The following ITGAV variants were observed in gnomAD, a reference collection of about 807,000 sequenced individuals.
The protein encoded by ITGAV is integrin alpha-V.
In ITGAV, 76 loss-of-function variants were observed where a neutral mutation model predicts 143.8. The ratio of observed to expected loss-of-function variants is 0.53; its 90% CI spans 0.44 to 0.64. ITGAV has a LOEUF of 0.64. ITGAV is among the 30% of genes least tolerant of loss of function. ITGAV has a pLI of 0.00. For missense variants in ITGAV, 1,193 were observed against 1,274.7 expected (o/e 0.94, Z 0.98); for synonymous variants, 453 against 446.7 (o/e 1.01, Z -0.18).
intron 18 of ITGAV, 93 bp downstream of exon 18, chr2:186,659,268 T>A: frequency 7.3e-6 from 6 of 826,642 alleles, no homozygotes; most frequent in Admixed American, 3.5e-5. Flanking sequence ...CTTTATCATA[T>A]TGATAGATGT....
At chr2:186,591,146 C>T (rs1473141918) in intron 1 of ITGAV, among the ~76,000 whole-genome samples, 1 of 152,144 alleles carries the variant, frequency 6.6e-6, no homozygotes, top group Non-Finnish European at 1.5e-5. Flanking sequence ...TTGAATGTGT[C>T]ATCTGTTCTT....
At chr2:186,614,152 A>G (rs986462826) in intron 2 of ITGAV, among the ~76,000 whole-genome samples, 1 of 152,118 alleles carries the variant, frequency 6.6e-6, no homozygotes, top group African/African-American at 2.4e-5. Flanking sequence ...CTACTTTTTA[A>G]AAAACCTTTA....
rs374190134 is a variant in ITGAV at position 186,626,944 on chromosome 2, A to G, written c.523+1357A>G. ...TATTTTTAATTTCTATATTGCAAAA[A>G]TGTTCCTATTTGAAAAGATAATTTT... On this transcript the variant is annotated intron_variant, in intron 4 of 29. Coordinates refer to ENST00000261023, the MANE Select transcript of ITGAV (RefSeq NM_002210.5). Among the ~76,000 whole-genome samples, 6 of 152,330 alleles carry G rather than the reference A, an allele frequency of 3.9e-5. No individual in the cohort carries two copies. The East Asian group carries it at 7.7e-4, about 20-fold the overall frequency.
At chr2:186,659,594 T>A (rs923157548) in intron 18 of ITGAV, among the ~76,000 whole-genome samples, 1 of 151,922 alleles carries the variant, frequency 6.6e-6, no homozygotes, top group Non-Finnish European at 1.5e-5. Context: ...GCAACAAAAT[T>A]TGATAGGTGG....
At position 186,669,722 on chromosome 2, in the gene ITGAV, GA is replaced by G; in HGVS notation, c.2618del (p.Lys873ArgfsTer38). 6.2e-7 allele frequency: 1 copy of G among 1,613,666 alleles called. No individual in the cohort carries two copies. The highest frequency in any genetic ancestry group is 2.2e-5 in the East Asian group (1 of 44,880). ...TTAGATCTCATCTTTGCAAACAACT[GA>G]AAAGAATGACACGGTTGCCGGGCAA... ...RIKISSLQTT[E>X]KNDTVAGQGE... On this transcript the variant is annotated frameshift_variant, in exon 26 of 30. Transcript: ENST00000261023. LOFTEE classifies it high-confidence loss of function.
intron 3 of ITGAV, among the ~76,000 whole-genome samples, chr2:186,624,878 TG>T (rs1476205137): frequency 1.3e-5 from 2 of 152,132 alleles, no homozygotes; most frequent in Non-Finnish European, 2.9e-5. Flanking sequence ...AAAGCTAGTT[TG>T]GTCTCTACCT....
intron 2 of ITGAV, among the ~76,000 whole-genome samples, chr2:186,602,878 A>T (rs1686952687): frequency 3.8e-4 from 1 of 2,630 alleles, no homozygotes; most frequent in Admixed American, 4.6e-3. Flanking sequence ...CTCCATCTTA[A>T]AAAAAAAAAA....
chr2:186,617,779 T>C, intron 2 of ITGAV, among the ~76,000 whole-genome samples: 1 of 152,236 alleles, frequency 6.6e-6, no homozygotes, highest in East Asian at 1.9e-4. Flanking sequence ...TCTTTTTTTC[T>C]TTTTTATTTA....
rs976274379 is a variant in ITGAV at position 186,636,006 on chromosome 2, G to A, written c.632-76G>A. On this transcript the variant is annotated intron_variant, in intron 6 of 29. Coordinates refer to ENST00000261023, the MANE Select transcript of ITGAV (RefSeq NM_002210.5). ...AATATCTAATATTGTTTTCCTTCATGCAGGTACCATACATTATCTGTATCA... is the reference window on the plus strand; with the variant it reads ...AATATCTAATATTGTTTTCCTTCATACAGGTACCATACATTATCTGTATCA... The A allele has an allele frequency of 1.2e-5, 15 of 1,246,538 alleles. No homozygotes were observed. The African/African-American group carries it at 1.8e-4, about 15-fold the overall frequency. 77.2% of individuals were successfully genotyped at this position (1,246,538 alleles called of 1,614,324 possible). A position where few individuals can be genotyped will look rare whatever the true frequency, so the allele number is the denominator to read the frequency against.
chr2:186,656,736 C>A (rs577256545), intron 17 of ITGAV, among the ~76,000 whole-genome samples: 1 of 152,024 alleles, frequency 6.6e-6, no homozygotes, highest in Admixed American at 6.6e-5. Flanking sequence ...TGGCAAAAAT[C>A]TGAATTGTGA....
At chr2:186,617,719 A>G (rs1309603260) in intron 2 of ITGAV, among the ~76,000 whole-genome samples, 1 of 152,210 alleles carries the variant, frequency 6.6e-6, no homozygotes, top group Non-Finnish European at 1.5e-5. Context: ...TAAGTTATTT[A>G]AATACTTTAT....
intron 8 of ITGAV, 152 bp downstream of exon 8, chr2:186,637,261 C>A: frequency 3.1e-6 from 2 of 639,114 alleles, no homozygotes; most frequent in South Asian, 1.8e-5. Flanking sequence ...GCGGGTGGAT[C>A]CCTTGAGCCC....
rs201709573 is a variant in ITGAV, at chr2:186,678,529, T to C, written c.*1237T>C. 3 of 265,080 alleles carry C rather than the reference T, an allele frequency of 1.1e-5. No homozygotes were observed. Among genetic ancestry groups the C allele is most frequent in the African/African-American group, 4.6e-5 (2 of 43,748 alleles). 16.4% of individuals were successfully genotyped at this position (265,080 alleles called of 1,614,324 possible). ...GAATAACTTCTAAAAGGTATTTTTA[T>C]AAGCAGTTCAAGTTACTGAAAACCT... On this transcript the variant is annotated 3_prime_UTR_variant, in exon 30 of 30. Coordinates refer to ENST00000261023, the MANE Select transcript of ITGAV (RefSeq NM_002210.5).
At chr2:186,607,920 G>A (rs949176626) in intron 2 of ITGAV, among the ~76,000 whole-genome samples, 3 of 152,160 alleles carry the variant, frequency 2.0e-5, no homozygotes, top group Non-Finnish European at 4.4e-5. Context: ...TAGCTTTGGG[G>A]TTCCTTGAGT....
intron 5 of ITGAV, 117 bp from the exon 6 acceptor site, chr2:186,633,212 C>T (rs1687861762): frequency 2.4e-6 from 1 of 416,970 alleles, no homozygotes. Flanking sequence ...AGATACAATA[C>T]TGTATTGTTC....
chr2:186,669,941 G>C (rs914779768), intron 26 of ITGAV, 127 bp downstream of exon 26: 2 of 676,838 alleles, frequency 3.0e-6, no homozygotes, highest in Non-Finnish European at 5.1e-6. Flanking sequence ...TTTATACCAT[G>C]CATTCCTCTC....
chr2:186,645,937 A>G lies in ITGAV; in HGVS notation c.1160-749A>G, dbSNP rs150207788. The stretch of plus-strand genomic sequence containing the variant: ...CAGTGAGCCAAGATTGTGCCACTGC[A>G]CTCCAGCCTGGGGAAAAGAGCGGGA... On this transcript the variant is annotated intron_variant, in intron 12 of 29. Coordinates refer to ENST00000261023, the MANE Select transcript of ITGAV (RefSeq NM_002210.5). 5.4e-4 allele frequency among the ~76,000 whole-genome samples: 82 copies of G among 152,268 alleles called. 1 individual carries two copies. The highest frequency in any genetic ancestry group is 4.3e-3 in the Admixed American group (66 of 15,280).
chr2:186,620,075 C>T (rs557397995), intron 2 of ITGAV, among the ~76,000 whole-genome samples: 1 of 152,194 alleles, frequency 6.6e-6, no homozygotes, highest in Admixed American at 6.5e-5. Flanking sequence ...GAACAACTCA[C>T]AATTCTCTTA....
chr2:186,644,393 T>C (rs538647191), intron 12 of ITGAV, among the ~76,000 whole-genome samples: 3 of 152,004 alleles, frequency 2.0e-5, no homozygotes, highest in Admixed American at 6.6e-5. Flanking sequence ...TGGCACGATA[T>C]CGGCTCACTG....
Sources: allele counts gnomAD v4.1 joint callset (sites outside exome capture counted in the v4.1 genomes callset), GRCh38; gene constraint gnomAD v4.1.1; transcripts MANE v1.5; gene names NCBI Gene and HGNC (gene_info 2026-07-23, HGNC 2026-07-21).